The following MMP26 variants were observed in gnomAD, a reference collection of about 807,000 sequenced individuals.
The protein encoded by MMP26 is matrix metallopeptidase 26, also known as matrix metalloproteinase-26.
A neutral mutation model predicts 31.0 loss-of-function variants in MMP26; 33 were observed. The observed-to-expected ratio is 1.06, with a 90% confidence interval of 0.81 to 1.42. The LOEUF (loss-of-function observed/expected upper bound fraction) is 1.42. MMP26 is among the 40% of genes most tolerant of loss of function. MMP26 has a pLI of 0.00. For synonymous variants in MMP26, 122 were observed against 114.9 expected (o/e 1.06, Z -0.40); for missense variants, 347 against 316.1 (o/e 1.10, Z -0.74).
intron 2 of MMP26, among the ~76,000 whole-genome samples, chr11:4,805,597 T>C (rs1157243240): frequency 3.9e-5 from 6 of 152,220 alleles, no homozygotes; most frequent in Non-Finnish European, 5.9e-5. Context: ...ACACTATCTC[T>C]AGCATCTCTG....
At chr11:4,881,830 A>C in intron 2 of MMP26, 1 of 1,309,586 alleles carries the variant, frequency 7.6e-7, no homozygotes, top group South Asian at 1.2e-5. Context: ...TGACTAATAA[A>C]ATGTATGCTA....
At chr11:4,745,179 T>C (rs951294852) in intron 1 of MMP26, among the ~76,000 whole-genome samples, 7 of 152,218 alleles carry the variant, frequency 4.6e-5, no homozygotes, top group Admixed American at 1.3e-4. Context: ...CCACTTGATA[T>C]TCTTGGTTTC....
intron 2 of MMP26, chr11:4,882,675 G>A (rs764255917): frequency 4.3e-6 from 7 of 1,613,804 alleles, no homozygotes; most frequent in African/African-American, 1.3e-5. Context: ...CCACTGATCA[G>A]CCTCTCTTTG....
At chr11:4,818,085 G>A (rs1261895397) in intron 2 of MMP26, among the ~76,000 whole-genome samples, 1 of 152,214 alleles carries the variant, frequency 6.6e-6, no homozygotes, top group East Asian at 1.9e-4. Context: ...GGGAAGCAGG[G>A]CTCAGAGTGA....
chr11:4,984,814 C>T (rs749560636), intron 2 of MMP26, among the ~76,000 whole-genome samples: 1 of 152,136 alleles, frequency 6.6e-6, no homozygotes, highest in Non-Finnish European at 1.5e-5. Context: ...TTCAAGAATA[C>T]ATCAGAGTGA....
intron 2 of MMP26, among the ~76,000 whole-genome samples, chr11:4,976,014 T>C (rs1846732281): frequency 1.3e-5 from 2 of 152,074 alleles, no homozygotes; most frequent in Non-Finnish European, 2.9e-5. Flanking sequence ...AAGTAGGGTA[T>C]AAAAATCTCT....
intron 2 of MMP26, among the ~76,000 whole-genome samples, chr11:4,798,432 C>G (rs760224222): frequency 3.9e-5 from 6 of 152,212 alleles, no homozygotes; most frequent in Non-Finnish European, 8.8e-5. Context: ...ACGGGTCTAC[C>G]TACATGGCAT....
chr11:4,714,897 A>C (rs1847905106), intron 1 of MMP26, among the ~76,000 whole-genome samples: 1 of 137,042 alleles, frequency 7.3e-6, no homozygotes, highest in African/African-American at 2.8e-5. Context: ...GTAAAACCCC[A>C]AATCTCTCTC....
intron 2 of MMP26, among the ~76,000 whole-genome samples, chr11:4,791,349 A>T (rs904281517): frequency 2.0e-5 from 3 of 152,108 alleles, no homozygotes; most frequent in African/African-American, 7.2e-5. Context: ...CAAGTCGGAG[A>T]CCAATTTTTT....
intron 2 of MMP26, chr11:4,915,398 A>G (rs1330430451): frequency 1.2e-6 from 2 of 1,614,070 alleles, no homozygotes; most frequent in East Asian, 2.2e-5. Context: ...AACCCAAAAG[A>G]TGCCCAGGAC....
At chr11:4,905,709 A>G (rs1000863775) in intron 2 of MMP26, among the ~76,000 whole-genome samples, 3 of 152,126 alleles carry the variant, frequency 2.0e-5, no homozygotes, top group African/African-American at 7.2e-5. Context: ...AGCTTATTAA[A>G]TATAGGCGGA....
At chr11:4,834,641 T>C (rs1849691562) in intron 2 of MMP26, among the ~76,000 whole-genome samples, 1 of 152,140 alleles carries the variant, frequency 6.6e-6, no homozygotes, top group Non-Finnish European at 1.5e-5. Flanking sequence ...GGAGATCAAA[T>C]GAATGGAAAA....
At chr11:4,957,192 A>G (rs7942178) in intron 2 of MMP26, among the ~76,000 whole-genome samples, 2,531 of 152,336 alleles carry the variant, frequency 0.017, 71 homozygotes, top group African/African-American at 0.058. Context: ...TTTTAAATTA[A>G]GATACACACA....
intron 2 of MMP26, chr11:4,860,357 G>C (rs754210472): frequency 1.7e-5 from 8 of 471,118 alleles, no homozygotes; most frequent in East Asian, 6.9e-5. Context: ...ACGTCAGTGA[G>C]AGCCAAGATA....
chr11:4,831,430 C>T (rs2133480935), intron 2 of MMP26, among the ~76,000 whole-genome samples: 1 of 152,312 alleles, frequency 6.6e-6, no homozygotes, highest in African/African-American at 2.4e-5. Flanking sequence ...CTATCTTTTT[C>T]TGTGAATATC....
chr11:4,990,611 C>T lies in MMP26; in HGVS notation c.334C>T (p.Pro112Ser), dbSNP rs1846983419. The change falls in exon 5 of 8, where the codon CCA (proline) becomes TCA (serine). Residue 112 changes from proline (P) to serine (S), a missense_variant. Transcript: ENST00000380390. ...TGCTTTCCTCAGGATTATCAATTAC[C>T]CACATGATATGAAGCCATCCGCAGT... ...HTLTYRIINY[P>S]HDMKPSAVKD... The T allele has an allele frequency of 6.2e-7, 1 of 1,611,774 alleles. No individual in the cohort carries two copies. The highest frequency in any genetic ancestry group is 8.5e-7 in the Non-Finnish European group (1 of 1,178,582).
intron 1 of MMP26, among the ~76,000 whole-genome samples, chr11:4,747,153 C>T (rs1848392374): frequency 6.6e-6 from 1 of 151,990 alleles, no homozygotes. Flanking sequence ...ATTTCTATGT[C>T]TAAACGAAGT....
intron 2 of MMP26, chr11:4,804,489 A>C: frequency 1.2e-6 from 1 of 848,040 alleles, no homozygotes; most frequent in Non-Finnish European, 2.1e-6. Context: ...GGACTATTGG[A>C]TACCAGGGTG....
intron 2 of MMP26, among the ~76,000 whole-genome samples, chr11:4,892,846 G>A (rs777416657): frequency 5.3e-5 from 8 of 152,224 alleles, no homozygotes; most frequent in Non-Finnish European, 8.8e-5. Flanking sequence ...GTTCAGATCT[G>A]TTCCAATATG....
Sources: gnomAD v4.1 joint callset for allele counts (sites outside exome capture counted in the v4.1 genomes callset) on GRCh38, gnomAD v4.1.1 for gene constraint, MANE v1.5 for transcripts, NCBI Gene and HGNC (gene_info 2026-07-23, HGNC 2026-07-21) for gene names.